DNAH3: variants seen among roughly 807,000 people sequenced by gnomAD.
DNAH3 encodes the protein axonemal beta dynein heavy chain 3.
A neutral mutation model predicts 432.5 loss-of-function variants in DNAH3; 332 were observed. The ratio of observed to expected loss-of-function variants is 0.77; its 90% CI spans 0.70 to 0.84. The LOEUF (loss-of-function observed/expected upper bound fraction) is 0.84. Among genes scored for constraint, DNAH3 ranks in the 40% least tolerant of loss-of-function variants. DNAH3 has a pLI of 0.00. For missense variants in DNAH3, 4,861 were observed against 5,114.0 expected, an observed-to-expected ratio of 0.95 and a Z score of 1.51; for synonymous variants, 1,956 against 1,900.2, an observed-to-expected ratio of 1.03 and a Z score of -0.76.
intron 26 of DNAH3, 71 bp downstream of exon 26, chr16:21,060,193 C>T: frequency 7.8e-7 from 1 of 1,281,178 alleles, no homozygotes; most frequent in Non-Finnish European, 1.1e-6. Context: ...ACTACTGACA[C>T]ATGAACCTTC....
rs369788318 is a variant in DNAH3 at position 20,963,822 on chromosome 16, G to A, written c.10062C>T (p.Thr3354=). Residue 3354 remains threonine (T), a synonymous_variant, in exon 53 of 62, where the codon ACC becomes ACT. Transcript: ENST00000261383. ...GGCACACGTTGTTGTAGATGCTCAGGGTGAAATGGTCAATGATGTACTTGA... is the reference window on the plus strand; with the variant it reads ...GGCACACGTTGTTGTAGATGCTCAGAGTGAAATGGTCAATGATGTACTTGA... 8.1e-6 allele frequency: 13 copies of A among 1,613,870 alleles called. No homozygotes were observed. In the African/African-American group the frequency reaches 1.5e-4, roughly 18 times the overall value.
At chr16:21,075,864 C>G (rs567803278) in intron 20 of DNAH3, among the ~76,000 whole-genome samples, 1 of 125,318 alleles carries the variant, frequency 8.0e-6, no homozygotes, top group South Asian at 2.7e-4. Flanking sequence ...GAGCTGAGAT[C>G]GTGATTTCAC....
chr16:21,156,604 T>G (rs897633176), intron 1 of DNAH3, among the ~76,000 whole-genome samples: 2 of 152,120 alleles, frequency 1.3e-5, no homozygotes, highest in African/African-American at 4.8e-5. Flanking sequence ...ACCCCATGCC[T>G]AATCCCATCA....
chr16:21,042,061 T>C lies in DNAH3; in HGVS notation c.4604A>G (p.Tyr1535Cys), dbSNP rs1175350721. 3.1e-6 allele frequency: 5 copies of C among 1,613,878 alleles called. No homozygotes were observed. In the African/African-American group the frequency reaches 4.0e-5, roughly 13 times the overall value. ...GTCGGGCAGTTCAGCCCTGCCAGCA[T>C]ACCCGGGGTTCATGGTGATGAACAC... The change falls in exon 32 of 62, where the codon TAT becomes TGT. Residue 1535 changes from tyrosine to cysteine, a missense_variant. Tyr to Cys is a radical substitution (Grantham distance 194). Transcript: ENST00000261383.
At chr16:20,950,918 G>A (rs2084281920) in intron 56 of DNAH3, among the ~76,000 whole-genome samples, 1 of 151,794 alleles carries the variant, frequency 6.6e-6, no homozygotes, top group African/African-American at 2.4e-5. Context: ...GACATCCTGT[G>A]CTCATGCGAT....
chr16:20,980,971 G>A (rs571620772), intron 49 of DNAH3, among the ~76,000 whole-genome samples: 125 of 152,246 alleles, frequency 8.2e-4, no homozygotes, highest in Middle Eastern at 6.8e-3. Flanking sequence ...ATGGGCATGC[G>A]TGCATTCCAA....
chr16:20,936,967 T>G, intron 59 of DNAH3, 114 bp from the exon 60 acceptor site: 1 of 804,426 alleles, frequency 1.2e-6, no homozygotes, highest in South Asian at 1.8e-5. Context: ...AGTCATTAAA[T>G]GAGGAAAAAT....
At position 21,075,441 on chromosome 16, in the gene DNAH3, A is replaced by C; in HGVS notation, c.3084+6T>G. 1.2e-6 allele frequency: 2 copies of C among 1,600,924 alleles called. No individual in the cohort carries two copies. Among genetic ancestry groups the C allele is most frequent in the Non-Finnish European group, 1.7e-6 (2 of 1,168,056 alleles). On this transcript the variant is annotated splice_donor_region_variant and intron_variant, in intron 21 of 61. Transcript: ENST00000261383. ...CAAAAGGGGCTGCGGTTGCAGTGAG[A>C]CTCACAGTGTCCCTGTATTTCACGA... is the stretch of plus-strand genomic sequence containing the variant.
intron 54 of DNAH3, among the ~76,000 whole-genome samples, chr16:20,958,395 A>G (rs958806361): frequency 7.9e-5 from 12 of 152,064 alleles, no homozygotes; most frequent in Admixed American, 3.9e-4. Context: ...TAGACAAATA[A>G]TAATTTTTAA....
intron 61 of DNAH3, among the ~76,000 whole-genome samples, chr16:20,933,994 A>G (rs572186734): frequency 1.3e-5 from 2 of 152,284 alleles, no homozygotes; most frequent in Non-Finnish European, 2.9e-5. Context: ...ATTCCTGAAA[A>G]TGTAACAGTT....
intron 57 of DNAH3, 25 bp from the exon 58 acceptor site, chr16:20,944,688 A>G (rs746648989): frequency 6.2e-7 from 1 of 1,613,078 alleles, no homozygotes; most frequent in Non-Finnish European, 8.5e-7. Context: ...TTCAGTTGAA[A>G]TCAACGAGGG....
At chr16:21,018,439 T>A (rs2087972930) in intron 41 of DNAH3, among the ~76,000 whole-genome samples, 1 of 152,180 alleles carries the variant, frequency 6.6e-6, no homozygotes, top group African/African-American at 2.4e-5. Flanking sequence ...TTTTATATAA[T>A]GTCTTACTTG....
intron 1 of DNAH3, among the ~76,000 whole-genome samples, chr16:21,151,585 G>A (rs964499521): frequency 6.6e-6 from 1 of 152,090 alleles, no homozygotes; most frequent in Non-Finnish European, 1.5e-5. Context: ...GTGAGCCACT[G>A]CGCCCAGCCC....
At chr16:20,985,248 A>G (rs1254295320) in exon 48 of DNAH3, 2 of 1,614,032 alleles carry the variant, frequency 1.2e-6, no homozygotes, top group South Asian at 2.2e-5. Flanking sequence ...CGAATGATTC[A>G]TCCTTGATCT....
intron 51 of DNAH3, among the ~76,000 whole-genome samples, chr16:20,974,316 G>A (rs1460258809): frequency 6.6e-6 from 1 of 152,032 alleles, no homozygotes; most frequent in Non-Finnish European, 1.5e-5. Flanking sequence ...GGGATTACAG[G>A]CATGAGCCAC....
intron 12 of DNAH3, among the ~76,000 whole-genome samples, chr16:21,114,824 A>T (rs1435290643): frequency 2.6e-5 from 4 of 152,310 alleles, no homozygotes; most frequent in Admixed American, 2.6e-4. Context: ...ATTGTGGAAG[A>T]CAGTGTGGTG....
intron 26 of DNAH3, among the ~76,000 whole-genome samples, chr16:21,059,324 T>C (rs2090257387): frequency 6.6e-6 from 1 of 152,226 alleles, no homozygotes; most frequent in South Asian, 2.1e-4. Context: ...TTCTTTAATT[T>C]TTGATTCAGA....
chr16:21,044,691 C>G (rs330145), intron 31 of DNAH3, among the ~76,000 whole-genome samples: 6,229 of 61,146 alleles, frequency 0.1, 426 homozygotes, highest in African/African-American at 0.17. Flanking sequence ...ATTGCCCTGG[C>G]CAGAACTTCC....
At chr16:21,083,928 C>T (rs2091278499) in intron 19 of DNAH3, among the ~76,000 whole-genome samples, 1 of 152,174 alleles carries the variant, frequency 6.6e-6, no homozygotes, top group South Asian at 2.1e-4. Context: ...ACTGGGCTTC[C>T]ATTTAGGGGC....
Sources: allele counts gnomAD v4.1 joint callset (sites outside exome capture counted in the v4.1 genomes callset), GRCh38; gene constraint gnomAD v4.1.1; transcripts MANE v1.5; gene names NCBI Gene and HGNC (gene_info 2026-07-23, HGNC 2026-07-21).